KMT5C: variants seen among roughly 807,000 people sequenced by gnomAD.
KMT5C encodes histone-lysine N-methyltransferase KMT5C.
In KMT5C, 16 loss-of-function variants were observed where a neutral mutation model predicts 38.2. The observed-to-expected ratio is 0.42, with a 90% CI of 0.28 to 0.64. KMT5C has a LOEUF of 0.64. Ranked by LOEUF, KMT5C falls within the 30% of genes least tolerant of loss-of-function variation. The probability of loss-of-function intolerance (pLI) is 0.23; values close to 1 mark genes in which losing one functional copy is unlikely to be tolerated. For synonymous variants in KMT5C, 291 were observed against 279.0 expected (o/e 1.04, Z -0.43); for missense variants, 598 against 665.1 (o/e 0.90, Z 1.11).
At position 55,343,247 on chromosome 19, in the gene KMT5C, C is replaced by T. The variant is rs2089580466; in HGVS notation, c.386+396C>T. ...GGGCAGACAAGTCAACATGCAGTCA[C>T]TGGTCCCAGCTGGTACATGCTGCAG... On this transcript the variant is annotated intron_variant, in intron 4 of 8. Transcript: ENST00000255613. The surrounding 1 kb of genome is among the most constrained non-coding windows in gnomAD (Gnocchi z 5.5). 1 of 305,450 alleles carries T rather than the reference C, an allele frequency of 3.3e-6. No homozygotes were observed. The highest frequency in any genetic ancestry group is 4.4e-5 in the Admixed American group (1 of 22,510). The allele number at this position is 305,450 out of a possible 1,614,324, so 18.9% of individuals were successfully genotyped here.
At position 55,343,875 on chromosome 19, in the gene KMT5C, G is replaced by T; in HGVS notation, c.550+32G>T. The stretch of plus-strand genomic sequence containing the variant: ...GTCAGGCAGGTGGATGGGCAGGACG[G>T]GATAGAGCCAGGCAGGGCTGGAGGG... On this transcript the variant is annotated intron_variant, in intron 5 of 8. Transcript: ENST00000255613. The surrounding 1 kb of genome is among the most constrained non-coding windows in gnomAD (Gnocchi z 5.5). The T allele has an allele frequency of 6.2e-7, 1 of 1,610,746 alleles. No homozygotes were observed. The highest frequency in any genetic ancestry group is 1.1e-5 in the South Asian group (1 of 91,046).
chr19:55,344,433 A>G, intron 6 of KMT5C: 1 of 342,164 alleles, frequency 2.9e-6, no homozygotes, highest in Non-Finnish European at 5.8e-6. Context: ...TGGAAGGGGC[A>G]GAGTGGGTAT....
In KMT5C at chr19:55,343,169, G is replaced by A; in HGVS notation, c.386+318G>A. The A allele has an allele frequency of 9.8e-6, 1 of 101,574 alleles. No individual in the cohort carries two copies. 6.3% of individuals were successfully genotyped at this position (101,574 alleles called of 1,614,324 possible). ...CATGTTAAACACCCCTGAGTGCAAT[G>A]AGGAGCCCCTGCCCCTGCCCCTGCG... On this transcript the variant is annotated intron_variant, in intron 4 of 8. Coordinates refer to ENST00000255613, the MANE Select transcript of KMT5C (RefSeq NM_032701.4). This position sits in a 1 kb window ranked among gnomAD's most constrained non-coding sequence, Gnocchi z 5.5.
At chr19:55,345,414 G>A (rs1437764631) in intron 6 of KMT5C, among the ~76,000 whole-genome samples, 2 of 152,170 alleles carry the variant, frequency 1.3e-5, no homozygotes, top group Non-Finnish European at 2.9e-5. Flanking sequence ...AGGCTTGGCA[G>A]GAAGGGGAGA....
rs762290649 is a variant in KMT5C, at chr19:55,347,346, C to T, written c.1286C>T (p.Pro429Leu). The change falls in exon 9 of 9, where the codon CCG becomes CTG. Residue 429 changes from proline (P) to leucine (L), a missense_variant. Physicochemically the swap from Pro to Leu is moderately conservative, Grantham distance 98. Coordinates refer to ENST00000255613, the MANE Select transcript of KMT5C (RefSeq NM_032701.4). This position sits in a 1 kb window ranked among gnomAD's most constrained non-coding sequence, Gnocchi z 4.6. ...GGGACCCCAGGCCCCATCCTGATCCCGAAGCAGGCCCTCGCCTTCGCCCCC... is the reference window on the plus strand; with the variant it reads ...GGGACCCCAGGCCCCATCCTGATCCTGAAGCAGGCCCTCGCCTTCGCCCCC... ...PAGTPGPILI[P>L]KQALAFAPFS... The T allele has an allele frequency of 1.1e-5, 17 of 1,577,988 alleles. No individual in the cohort carries two copies. The highest frequency in any genetic ancestry group is 8.0e-5 in the South Asian group (7 of 87,068).
chr19:55,343,767 T>C lies in KMT5C; in HGVS notation c.474T>C (p.Asn158=), dbSNP rs147436615. 6.1e-4 allele frequency: 987 copies of C among 1,610,322 alleles called. 3 individuals carry two copies. Among genetic ancestry groups the C allele is most frequent in the Non-Finnish European group, 7.5e-4 (880 of 1,178,350 alleles). Residue 158 remains asparagine (N), a synonymous_variant, in exon 5 of 9, where the codon AAT becomes AAC. Transcript: ENST00000255613. This position sits in a 1 kb window ranked among gnomAD's most constrained non-coding sequence, Gnocchi z 5.5. ...ADEGLLRAGE[N]DFSIMYSTRK... ...AGGGGCTGCTGAGGGCCGGTGAGAA[T>C]GACTTCAGCATCATGTACTCAACCC...
intron 6 of KMT5C, chr19:55,345,275 GGGTGCCCAGCGACGGCTTTGATCC>G (rs2089604837): frequency 2.8e-6 from 1 of 355,328 alleles, no homozygotes; most frequent in Admixed American, 3.8e-5. Context: ...AGAGGGCTGG[GGGTGCCCAGCGACGGCTTTGATCC>G]GGCAGCAAGG....
At chr19:55,342,074 C>A (rs369334300) in intron 2 of KMT5C, 28 bp downstream of exon 2, 59 of 1,590,336 alleles carry the variant, frequency 3.7e-5, no homozygotes, top group Admixed American at 8.3e-5. Flanking sequence ...CGAGGGTGGG[C>A]CCGAGGGGTC....
In KMT5C at chr19:55,341,799, A is replaced by G; in HGVS notation, c.-138A>G. 1 of 670,940 alleles carries G rather than the reference A, an allele frequency of 1.5e-6. No individual in the cohort carries two copies. The highest frequency in any genetic ancestry group is 1.8e-5 in the South Asian group (1 of 56,262). The allele number at this position is 670,940 out of a possible 1,614,324, so 41.6% of individuals were successfully genotyped here. A position where few individuals can be genotyped will look rare whatever the true frequency, so the allele number is the denominator to read the frequency against. Reference sequence around the variant, plus strand: ...CTTTTCTCCCCATTTTGCAGATGAGATCGTGGGGCTCACCAGCGTCCCCCA... The same window carrying G: ...CTTTTCTCCCCATTTTGCAGATGAGGTCGTGGGGCTCACCAGCGTCCCCCA... On this transcript the variant is annotated 5_prime_UTR_variant, in exon 2 of 9. Coordinates refer to ENST00000255613, the MANE Select transcript of KMT5C (RefSeq NM_032701.4).
intron 6 of KMT5C, chr19:55,344,393 C>T (rs2089594184): frequency 3.4e-6 from 1 of 294,928 alleles, no homozygotes; most frequent in East Asian, 9.4e-5. Flanking sequence ...CCAAATGCTG[C>T]CCCATGTCTC....
At chr19:55,340,318 C>G (rs59862691) in intron 1 of KMT5C, among the ~76,000 whole-genome samples, 8,452 of 151,122 alleles carry the variant, frequency 0.056, 403 homozygotes, top group African/African-American at 0.12. Context: ...CTCCCTGCAC[C>G]CTCAGGGCCT....
At chr19:55,346,384 G>T in intron 7 of KMT5C, 35 bp downstream of exon 7, 2 of 1,613,322 alleles carry the variant, frequency 1.2e-6, no homozygotes, top group Non-Finnish European at 1.7e-6. Context: ...GGTTCGGGTC[G>T]TCTGGGCTTC....
At chr19:55,346,857 G>A in intron 8 of KMT5C, 99 bp from the exon 9 acceptor site, 1 of 677,558 alleles carries the variant, frequency 1.5e-6, no homozygotes, top group Admixed American at 2.4e-5. Context: ...GGGGAGCGCA[G>A]GGCAGGGCTG....
intron 1 of KMT5C, among the ~76,000 whole-genome samples, chr19:55,340,975 C>T (rs1248101603): frequency 6.6e-6 from 1 of 152,106 alleles, no homozygotes; most frequent in African/African-American, 2.4e-5. Context: ...TGTCCCCGAC[C>T]CCTCCACAGC....
chr19:55,345,818 C>T (rs1393574924), intron 6 of KMT5C, among the ~76,000 whole-genome samples: 6 of 152,118 alleles, frequency 3.9e-5, no homozygotes, highest in South Asian at 2.1e-4. Context: ...AGGCAGAGCT[C>T]GGACCTCAGC....
intron 7 of KMT5C, 57 bp from the exon 8 acceptor site, chr19:55,346,443 C>T: frequency 6.2e-7 from 1 of 1,603,290 alleles, no homozygotes; most frequent in Non-Finnish European, 8.5e-7. Flanking sequence ...TGTGTCCAAC[C>T]CCAGCCTCTC....
chr19:55,345,847 C>CG (rs951229992), intron 6 of KMT5C, among the ~76,000 whole-genome samples: 6 of 152,158 alleles, frequency 3.9e-5, no homozygotes, highest in Non-Finnish European at 7.4e-5. Context: ...CACAGTCTGG[C>CG]GGGGGGCAGG....
intron 1 of KMT5C, among the ~76,000 whole-genome samples, chr19:55,340,481 C>G (rs1434638177): frequency 6.6e-6 from 1 of 151,976 alleles, no homozygotes; most frequent in Non-Finnish European, 1.5e-5. Flanking sequence ...CCTGGCACTC[C>G]CTGGACCCTG....
At chr19:55,344,707 A>T in intron 6 of KMT5C, 1 of 522,236 alleles carries the variant, frequency 1.9e-6, no homozygotes, top group Non-Finnish European at 3.9e-6. Context: ...AGGGGCCAGG[A>T]CTCAGGATGC....
Sources: allele counts gnomAD v4.1 joint callset (sites outside exome capture counted in the v4.1 genomes callset), GRCh38; gene constraint gnomAD v4.1.1; non-coding constraint Gnocchi (gnomAD v3.1); transcripts MANE v1.5; gene names NCBI Gene and HGNC (gene_info 2026-07-23, HGNC 2026-07-21).